The following CNTNAP2 variants were observed in gnomAD, a reference collection of about 807,000 sequenced individuals.
CNTNAP2 encodes contactin associated protein 2, also known as contactin-associated protein-like 2.
Under a neutral mutation model 155.2 loss-of-function variants are expected in CNTNAP2, and 98 were observed. That is an observed-to-expected ratio of 0.63 (90% CI 0.54 to 0.75). The LOEUF is 0.75. Ranked by LOEUF, CNTNAP2 falls within the 30% of genes least tolerant of loss-of-function variation. The pLI, the probability that CNTNAP2 is intolerant of heterozygous loss-of-function variation, is 0.00. For missense variants in CNTNAP2, 1,727 were observed against 1,688.1 expected (o/e 1.02, Z -0.40); for synonymous variants, 651 against 631.2 (o/e 1.03, Z -0.47).
intron 18 of CNTNAP2, among the ~76,000 whole-genome samples, chr7:148,188,251 C>T (rs902743001): frequency 6.6e-6 from 1 of 152,200 alleles, no homozygotes; most frequent in African/African-American, 2.4e-5. Flanking sequence ...ATTACAGCAT[C>T]ATTTGAATCA....
chr7:147,836,605 T>C (rs1439010996), intron 13 of CNTNAP2, among the ~76,000 whole-genome samples: 1 of 152,212 alleles, frequency 6.6e-6, no homozygotes, highest in Non-Finnish European at 1.5e-5. Flanking sequence ...ACAGTCATGA[T>C]CATTGTTTGT....
At chr7:147,341,022 T>C (rs1197177719) in intron 9 of CNTNAP2, among the ~76,000 whole-genome samples, 1 of 152,022 alleles carries the variant, frequency 6.6e-6, no homozygotes, top group East Asian at 1.9e-4. Context: ...TTTATTATAC[T>C]ACTTGAGACT....
chr7:147,930,418 G>C (rs1800479041), intron 14 of CNTNAP2, among the ~76,000 whole-genome samples: 1 of 152,156 alleles, frequency 6.6e-6, no homozygotes, highest in African/African-American at 2.4e-5. Flanking sequence ...GCAACCAAAA[G>C]AGAGCAGGAG....
intron 4 of CNTNAP2, among the ~76,000 whole-genome samples, chr7:147,101,751 G>T (rs1234060996): frequency 6.6e-6 from 1 of 152,080 alleles, no homozygotes; most frequent in Non-Finnish European, 1.5e-5. Context: ...AACCCCTCTT[G>T]ATGTACAGAC....
At chr7:147,372,284 A>T (rs980292823) in intron 9 of CNTNAP2, among the ~76,000 whole-genome samples, 4 of 152,112 alleles carry the variant, frequency 2.6e-5, no homozygotes. Flanking sequence ...TAGAGTAAAA[A>T]CAGCTTACCC....
At chr7:146,237,785 A>G (rs560926310) in intron 1 of CNTNAP2, among the ~76,000 whole-genome samples, 1 of 143,158 alleles carries the variant, frequency 7.0e-6, no homozygotes, top group East Asian at 2.1e-4. Context: ...AATTTGCAAA[A>G]CATATTAACA....
intron 8 of CNTNAP2, among the ~76,000 whole-genome samples, chr7:147,160,689 C>T (rs571452692): frequency 6.6e-6 from 1 of 152,112 alleles, no homozygotes; most frequent in African/African-American, 2.4e-5. Flanking sequence ...TTAGAGGCAA[C>T]TAAATCTTAA....
intron 13 of CNTNAP2, among the ~76,000 whole-genome samples, chr7:147,835,414 A>T (rs567089340): frequency 7.2e-5 from 11 of 152,256 alleles, no homozygotes; most frequent in African/African-American, 2.6e-4. Flanking sequence ...CACACAGCAG[A>T]TAGTGGCCAA....
In CNTNAP2 at chr7:147,976,539, A is replaced by T. The variant is rs1043169172; in HGVS notation, c.2256-1323A>T. On this transcript the variant is annotated intron_variant, in intron 14 of 23. Coordinates refer to ENST00000361727, the MANE Select transcript of CNTNAP2 (RefSeq NM_014141.6). Reference sequence around the variant, plus strand: ...CTGATTTGATAAATAATTATTTTTTAAAAACCCTTCATTTTGAAAACAATG... The same window carrying T: ...CTGATTTGATAAATAATTATTTTTTTAAAACCCTTCATTTTGAAAACAATG... Among the ~76,000 whole-genome samples, 3 of 152,194 alleles carry T rather than the reference A, an allele frequency of 2.0e-5. No homozygotes were observed. The South Asian group carries it at 6.2e-4, about 31-fold the overall frequency.
intron 13 of CNTNAP2, among the ~76,000 whole-genome samples, chr7:147,714,448 T>C (rs1240037199): frequency 2.7e-5 from 4 of 148,252 alleles, no homozygotes; most frequent in Non-Finnish European, 6.0e-5. Flanking sequence ...TTTGTTTTTG[T>C]TTCAGTTTTT....
At chr7:147,313,238 T>G (rs1024209981) in intron 9 of CNTNAP2, among the ~76,000 whole-genome samples, 1 of 152,166 alleles carries the variant, frequency 6.6e-6, no homozygotes, top group Non-Finnish European at 1.5e-5. Context: ...TGGTAGTTTC[T>G]TTTGCTGTGC....
chr7:146,335,793 A>C (rs1453867957), intron 1 of CNTNAP2, among the ~76,000 whole-genome samples: 3 of 152,160 alleles, frequency 2.0e-5, no homozygotes, highest in Non-Finnish European at 4.4e-5. Context: ...TACACCATAG[A>C]GAAGGTGTTA....
At chr7:146,509,786 C>T (rs560572519) in intron 1 of CNTNAP2, among the ~76,000 whole-genome samples, 1 of 152,234 alleles carries the variant, frequency 6.6e-6, no homozygotes, top group South Asian at 2.1e-4. Flanking sequence ...CATGCACTTC[C>T]CATAGCACAG....
intron 8 of CNTNAP2, among the ~76,000 whole-genome samples, chr7:147,226,517 G>C (rs1803547712): frequency 6.8e-6 from 1 of 147,844 alleles, no homozygotes; most frequent in Non-Finnish European, 1.5e-5. Flanking sequence ...AGGAGCATTG[G>C]GAGCCAAGAA....
In CNTNAP2 at chr7:148,247,619, C is replaced by CTA. The variant is rs558843044; in HGVS notation, c.3381+17841_3381+17842insAT. 6.7e-3 allele frequency among the ~76,000 whole-genome samples: 948 copies of CTA among 141,914 alleles called. 11 individuals carry two copies. Among genetic ancestry groups the CTA allele is most frequent in the South Asian group, 0.045 (203 of 4,476 alleles). The allele number at this position is 141,914 out of a possible 152,430, so 93.1% of individuals were successfully genotyped here. The stretch of plus-strand genomic sequence containing the variant: ...ATTCTCTCTCTCTCTCTCTCTCTCT[C>CTA]TCTCTCTATTTATTTATTTATTTAT... On this transcript the variant is annotated intron_variant, in intron 20 of 23. Coordinates refer to ENST00000361727, the MANE Select transcript of CNTNAP2 (RefSeq NM_014141.6).
intron 16 of CNTNAP2, among the ~76,000 whole-genome samples, chr7:148,137,680 G>C: frequency 1.1e-5 from 1 of 90,956 alleles, no homozygotes; most frequent in East Asian, 4.1e-4. Flanking sequence ...AAGGAAGGAA[G>C]GAAGGAAGGA....
intron 13 of CNTNAP2, among the ~76,000 whole-genome samples, chr7:147,892,818 G>T (rs1258707943): frequency 1.3e-5 from 2 of 151,982 alleles, no homozygotes; most frequent in African/African-American, 4.8e-5. Flanking sequence ...TTCTAAATTT[G>T]GTCCCTATTC....
intron 17 of CNTNAP2, among the ~76,000 whole-genome samples, chr7:148,171,354 G>A (rs911898524): frequency 6.6e-6 from 1 of 152,070 alleles, no homozygotes; most frequent in African/African-American, 2.4e-5. Context: ...TTAGTTTCCA[G>A]AAAAGTTGTT....
chr7:147,466,307 A>G (rs1798118192), intron 10 of CNTNAP2, among the ~76,000 whole-genome samples: 1 of 152,212 alleles, frequency 6.6e-6, no homozygotes, highest in African/African-American at 2.4e-5. Context: ...TGGAGGTTTT[A>G]TGACCTACAG....
Sources: gnomAD v4.1 joint callset for allele counts (sites outside exome capture counted in the v4.1 genomes callset) on GRCh38, gnomAD v4.1.1 for gene constraint, MANE v1.5 for transcripts, NCBI Gene and HGNC (gene_info 2026-07-23, HGNC 2026-07-21) for gene names.